Variants in REEP1 observed in about 807,000 individuals in gnomAD.
The protein encoded by REEP1 is receptor accessory protein 1.
In REEP1, 22 loss-of-function variants were observed where a neutral mutation model predicts 40.3. The ratio of observed to expected loss-of-function variants is 0.55; its 90% confidence interval spans 0.39 to 0.78. The LOEUF is 0.78. Ranked by LOEUF, REEP1 falls within the 30% of genes least tolerant of loss-of-function variation. REEP1 has a pLI of 0.00. For synonymous variants in REEP1, 116 were observed against 139.2 expected (o/e 0.83, Z 1.17); for missense variants, 280 against 361.1 (o/e 0.78, Z 1.82).
chr2:86,258,840 T>C (rs1425372037), intron 3 of REEP1, among the ~76,000 whole-genome samples: 1 of 152,184 alleles, frequency 6.6e-6, no homozygotes, highest in Non-Finnish European at 1.5e-5. Flanking sequence ...TGTACAGCAC[T>C]GGAGCACAGG....
rs1184871128 is a variant in REEP1 at position 86,216,007 on chromosome 2, A to G, written c.*1032T>C. ...GCATATCTGAAACAGCAGAGTTCTC[A>G]GTTTTTTGTGTGTTTGTTTTTGCTA... On this transcript the variant is annotated 3_prime_UTR_variant, in exon 9 of 9. Coordinates refer to ENST00000538924, the MANE Select transcript of REEP1 (RefSeq NM_001371279.1). 6.6e-6 allele frequency: 1 copy of G among 152,156 alleles called. No homozygotes were observed. Among genetic ancestry groups the G allele is most frequent in the Non-Finnish European group, 1.5e-5 (1 of 68,032 alleles). 9.4% of individuals were successfully genotyped at this position (152,156 alleles called of 1,614,324 possible).
intron 1 of REEP1, among the ~76,000 whole-genome samples, chr2:86,300,111 A>G (rs1679188545): frequency 6.6e-6 from 1 of 152,236 alleles, no homozygotes; most frequent in African/African-American, 2.4e-5. Flanking sequence ...ACCTCTGCAC[A>G]TACAGGAACT....
intron 1 of REEP1, among the ~76,000 whole-genome samples, chr2:86,304,176 AGGTG>A (rs1379675858): frequency 2.0e-5 from 3 of 152,262 alleles, no homozygotes; most frequent in African/African-American, 7.2e-5. Context: ...CCATTCGCAC[AGGTG>A]CTCTTATGGT....
chr2:86,306,888 GAA>G (rs772994139), intron 1 of REEP1, among the ~76,000 whole-genome samples: 2 of 131,086 alleles, frequency 1.5e-5, no homozygotes, highest in African/African-American at 5.6e-5. Flanking sequence ...GGAGCCAAAA[GAA>G]AAAAAAAAAA....
chr2:86,222,711 C>G (rs1474675267), intron 7 of REEP1, among the ~76,000 whole-genome samples: 1 of 152,216 alleles, frequency 6.6e-6, no homozygotes, highest in East Asian at 1.9e-4. Flanking sequence ...TCCCTTCTCC[C>G]CATGCTTCAA....
chr2:86,311,239 C>G (rs989255262), intron 1 of REEP1, among the ~76,000 whole-genome samples: 1 of 152,202 alleles, frequency 6.6e-6, no homozygotes, highest in Non-Finnish European at 1.5e-5. Flanking sequence ...CGGGAGCCTG[C>G]ACCAGTCCTG....
intron 5 of REEP1, among the ~76,000 whole-genome samples, chr2:86,238,680 T>C (rs1224293892): frequency 6.6e-6 from 1 of 151,890 alleles, no homozygotes; most frequent in Non-Finnish European, 1.5e-5. Flanking sequence ...GTATAAGAAG[T>C]GTCAGAGGGC....
chr2:86,226,485 T>TGAGACAGGGTC (rs1376335152), intron 7 of REEP1, among the ~76,000 whole-genome samples: 1 of 126,628 alleles, frequency 7.9e-6, no homozygotes, highest in Non-Finnish European at 1.7e-5. Context: ...TTTTTTTTTT[T>TGAGACAGGGTC]TTGAGACAGG....
rs1674103046 is a variant in REEP1 at position 86,216,167 on chromosome 2, A to AG, written c.*871dup. On this transcript the variant is annotated 3_prime_UTR_variant, in exon 9 of 9. Coordinates refer to ENST00000538924, the MANE Select transcript of REEP1 (RefSeq NM_001371279.1). ...CAAGCACAGAATTACTCCTTCCAGCAGCTCTACATGTTCCCATCCTCAAGA... is the reference window on the plus strand; with the variant it reads ...CAAGCACAGAATTACTCCTTCCAGCAGGCTCTACATGTTCCCATCCTCAAGA... 6.6e-6 allele frequency: 1 copy of AG among 152,242 alleles called. No homozygotes were observed. Among genetic ancestry groups the AG allele is most frequent in the South Asian group, 2.1e-4 (1 of 4,836 alleles). 9.4% of individuals were successfully genotyped at this position (152,242 alleles called of 1,614,324 possible).
intron 2 of REEP1, among the ~76,000 whole-genome samples, chr2:86,279,375 G>A (rs1677934494): frequency 6.6e-6 from 1 of 152,192 alleles, no homozygotes; most frequent in African/African-American, 2.4e-5. Flanking sequence ...TGACCCAGGG[G>A]AGTGAAATAA....
chr2:86,248,840 A>C (rs1676108314), intron 5 of REEP1, among the ~76,000 whole-genome samples: 3 of 152,220 alleles, frequency 2.0e-5, no homozygotes, highest in African/African-American at 7.2e-5. Context: ...ACAATAAATT[A>C]TATAGTCACC....
chr2:86,337,583 C>A lies in REEP1; in HGVS notation c.-73G>T, dbSNP rs1312748911. 7 of 1,179,492 alleles carry A rather than the reference C, an allele frequency of 5.9e-6. No homozygotes were observed. Among genetic ancestry groups the A allele is most frequent in the South Asian group, 4.0e-5 (1 of 24,776 alleles). The allele number at this position is 1,179,492 out of a possible 1,614,324, so 73.1% of individuals were successfully genotyped here. A position where few individuals can be genotyped will look rare whatever the true frequency, so the allele number is the denominator to read the frequency against. ...CTGCGGGCGGCGCGGGCTGCTGCGG[C>A]GTTCCCGGAACGTCAGTCAGCTCAC... On this transcript the variant is annotated 5_prime_UTR_variant, in exon 1 of 9. Transcript: ENST00000538924. The surrounding 1 kb of genome is among the most constrained non-coding windows in gnomAD (Gnocchi z 5.8).
At chr2:86,307,839 T>C (rs1679572461) in intron 1 of REEP1, among the ~76,000 whole-genome samples, 1 of 152,170 alleles carries the variant, frequency 6.6e-6, no homozygotes, top group South Asian at 2.1e-4. Context: ...TTAATATGTA[T>C]AATTACAATA....
intron 1 of REEP1, among the ~76,000 whole-genome samples, chr2:86,316,494 G>A (rs1439653083): frequency 6.9e-6 from 1 of 145,148 alleles, no homozygotes; most frequent in Non-Finnish European, 1.5e-5. Context: ...GTTGCAGTGA[G>A]CCGAGATCGT....
intron 6 of REEP1, among the ~76,000 whole-genome samples, chr2:86,229,499 G>A (rs974135990): frequency 6.6e-6 from 1 of 151,894 alleles, no homozygotes; most frequent in Non-Finnish European, 1.5e-5. Flanking sequence ...CTTCCTCCTA[G>A]GCATGTTGAC....
chr2:86,326,836 T>C (rs1680533346), intron 1 of REEP1, among the ~76,000 whole-genome samples: 1 of 152,202 alleles, frequency 6.6e-6, no homozygotes, highest in South Asian at 2.1e-4. Context: ...CTGGAAACCT[T>C]TTCCTTCCAG....
At position 86,245,981 on chromosome 2, in the gene REEP1, G is replaced by A. The variant is rs560170712; in HGVS notation, c.417+5976C>T. Among the ~76,000 whole-genome samples, 15 of 152,114 alleles carry A rather than the reference G, an allele frequency of 9.9e-5. No individual in the cohort carries two copies. In the East Asian group the frequency reaches 1.2e-3, roughly 12 times the overall value. On this transcript the variant is annotated intron_variant, in intron 5 of 8. Coordinates refer to ENST00000538924, the MANE Select transcript of REEP1 (RefSeq NM_001371279.1). ...GGGTTTCACCATGTTAGCCAGGATG[G>A]TCTCGATCTCCTGACCTCGTGATCC...
chr2:86,289,619 T>C (rs1424460061), intron 1 of REEP1, among the ~76,000 whole-genome samples: 1 of 152,218 alleles, frequency 6.6e-6, no homozygotes, highest in Non-Finnish European at 1.5e-5. Flanking sequence ...ATTCATAAAA[T>C]TTACTAGAAG....
At chr2:86,331,127 T>G (rs1427592702) in intron 1 of REEP1, among the ~76,000 whole-genome samples, 1 of 152,224 alleles carries the variant, frequency 6.6e-6, no homozygotes, top group East Asian at 1.9e-4. Context: ...TTCTTCACTT[T>G]TACTTATGGA....
Sources: allele counts gnomAD v4.1 joint callset (sites outside exome capture counted in the v4.1 genomes callset), GRCh38; gene constraint gnomAD v4.1.1; non-coding constraint Gnocchi (gnomAD v3.1); transcripts MANE v1.5; gene names NCBI Gene and HGNC (gene_info 2026-07-23, HGNC 2026-07-21).